SYNJ1: variants seen among roughly 807,000 people sequenced by gnomAD.
The protein encoded by SYNJ1 is synaptojanin 1.
In SYNJ1, 78 loss-of-function variants were observed where a neutral mutation model predicts 168.2. That is an observed-to-expected ratio of 0.46 (90% CI 0.39 to 0.56). SYNJ1 has a LOEUF of 0.56. SYNJ1 is among the 20% of genes least tolerant of loss of function. SYNJ1 has a pLI of 0.00. For missense variants in SYNJ1, 1,303 were observed against 1,597.6 expected, an observed-to-expected ratio of 0.82 and a Z score of 3.14; for synonymous variants, 539 against 548.6, an observed-to-expected ratio of 0.98 and a Z score of 0.24.
At chr21:32,713,951 G>A (rs577927968) in intron 2 of SYNJ1, among the ~76,000 whole-genome samples, 1 of 152,292 alleles carries the variant, frequency 6.6e-6, no homozygotes, top group Admixed American at 6.5e-5. Context: ...AGGAGCATGA[G>A]GGGATTATTC....
At position 32,665,060 on chromosome 21, in the gene SYNJ1, T is replaced by A. The variant is rs112875942; in HGVS notation, c.2157A>T (p.Leu719=). The change falls in exon 18 of 33, where the codon CTA becomes CTT. Residue 719 remains leucine, a synonymous_variant. Transcript: ENST00000674351. The stretch of plus-strand genomic sequence containing the variant: ...ACCAAAATACATAGTCATGGGAAAA[T>A]AGCATCCTTCCCTGAAAGCAATGAG... The part of the protein sequence containing the change: ...RKLSFPMGRM[L]FSHDYVFWCG... 6.3e-7 allele frequency: 1 copy of A among 1,593,974 alleles called. No homozygotes were observed. Among genetic ancestry groups the A allele is most frequent in the Non-Finnish European group, 8.5e-7 (1 of 1,169,738 alleles).
At chr21:32,698,938 T>G (rs2042303030) in intron 4 of SYNJ1, among the ~76,000 whole-genome samples, 1 of 152,192 alleles carries the variant, frequency 6.6e-6, no homozygotes, top group Non-Finnish European at 1.5e-5. Context: ...TACAATTAAA[T>G]TCATTTCTAA....
chr21:32,662,160 A>C (rs572610866), intron 18 of SYNJ1, among the ~76,000 whole-genome samples: 136 of 152,186 alleles, frequency 8.9e-4, no homozygotes, highest in Non-Finnish European at 1.7e-3. Context: ...CCTGAAAGTG[A>C]CTCTGAGGAG....
rs989654318 is a variant in SYNJ1 at position 32,666,293 on chromosome 21, TCAAAACCCC to T, written c.1952+131_1952+139del. On this transcript the variant is annotated intron_variant, in intron 16 of 32. Transcript: ENST00000674351. ...AGTGAAGCTATTGGTGAGTCTTTAA[TCAAAACCCC>T]CAAAACCCCATTTTAAAACAAGAAC... 4.1e-6 allele frequency: 6 copies of T among 1,461,214 alleles called. No individual in the cohort carries two copies. In the African/African-American group the frequency reaches 8.5e-5, roughly 21 times the overall value. The allele number at this position is 1,461,214 out of a possible 1,614,324, so 90.5% of individuals were successfully genotyped here.
At chr21:32,691,553 A>G (rs534466902) in intron 6 of SYNJ1, among the ~76,000 whole-genome samples, 3 of 152,256 alleles carry the variant, frequency 2.0e-5, no homozygotes, top group Non-Finnish European at 4.4e-5. Flanking sequence ...TCTGAGTATT[A>G]TAAGTTATAA....
At chr21:32,673,626 C>A in intron 13 of SYNJ1, 95 bp from the exon 14 acceptor site, 3 of 1,051,112 alleles carry the variant, frequency 2.9e-6, no homozygotes, top group Non-Finnish European at 3.8e-6. Context: ...CTGGAAAGCA[C>A]AATTATTATC....
intron 9 of SYNJ1, among the ~76,000 whole-genome samples, chr21:32,685,055 G>A (rs1262609228): frequency 1.3e-5 from 2 of 151,488 alleles, no homozygotes; most frequent in East Asian, 1.9e-4. Flanking sequence ...GGTGGCGGGC[G>A]CTTGTAGTCC....
intron 32 of SYNJ1, among the ~76,000 whole-genome samples, chr21:32,634,008 T>C (rs1054338447): frequency 1.5e-4 from 23 of 152,186 alleles, no homozygotes; most frequent in Admixed American, 1.2e-3. Context: ...GGACTATTTA[T>C]AGTTAATACA....
In SYNJ1 at chr21:32,634,822, G is replaced by C. The variant is rs370848554; in HGVS notation, c.*3+39C>G. ...ATTCATACATCTAATGTGTTGAGAC[G>C]GATGAAAACACATGTAAGATTGATA... On this transcript the variant is annotated intron_variant, in intron 32 of 32. Transcript: ENST00000674351. The C allele has an allele frequency of 3.1e-6, 5 of 1,607,890 alleles. No individual in the cohort carries two copies. The East Asian group carries it at 1.1e-4, about 36-fold the overall frequency.
intron 23 of SYNJ1, among the ~76,000 whole-genome samples, chr21:32,647,423 G>A (rs1427182140): frequency 6.6e-6 from 1 of 152,050 alleles, no homozygotes; most frequent in Non-Finnish European, 1.5e-5. Context: ...AAATGCCTTG[G>A]TCCTATCCTT....
At chr21:32,713,509 C>T (rs1182218846) in intron 2 of SYNJ1, among the ~76,000 whole-genome samples, 2 of 137,390 alleles carry the variant, frequency 1.5e-5, no homozygotes, top group East Asian at 4.5e-4. Flanking sequence ...TGGATGATTT[C>T]CCATATATCA....
intron 2 of SYNJ1, among the ~76,000 whole-genome samples, chr21:32,722,851 A>G (rs539959025): frequency 1.6e-4 from 24 of 152,326 alleles, no homozygotes; most frequent in African/African-American, 5.5e-4. Flanking sequence ...GTTCAGCCTG[A>G]CAGTTTCAAG....
At chr21:32,711,643 C>T (rs1299028765) in intron 2 of SYNJ1, among the ~76,000 whole-genome samples, 1 of 152,160 alleles carries the variant, frequency 6.6e-6, no homozygotes, top group Non-Finnish European at 1.5e-5. Flanking sequence ...ACTTATAATA[C>T]TATGTCATGT....
intron 2 of SYNJ1, among the ~76,000 whole-genome samples, chr21:32,724,699 C>A (rs2146413910): frequency 6.6e-6 from 1 of 152,234 alleles, no homozygotes; most frequent in South Asian, 2.1e-4. Flanking sequence ...CAATACAAAC[C>A]TTGGTATCAC....
chr21:32,658,831 C>T (rs886937128), intron 18 of SYNJ1, among the ~76,000 whole-genome samples: 1 of 152,218 alleles, frequency 6.6e-6, no homozygotes, highest in African/African-American at 2.4e-5. Flanking sequence ...ACTCCAGTTC[C>T]CACCTGCGAA....
At chr21:32,654,894 G>A (rs1331095295) in intron 21 of SYNJ1, among the ~76,000 whole-genome samples, 1 of 152,122 alleles carries the variant, frequency 6.6e-6, no homozygotes, top group Non-Finnish European at 1.5e-5. Flanking sequence ...TCTTAATCTA[G>A]ACTAAAAGGT....
In SYNJ1 at chr21:32,685,937, T is replaced by C; in HGVS notation, c.949-20A>G. The C allele has an allele frequency of 1.3e-6, 2 of 1,597,644 alleles. No individual in the cohort carries two copies. Among genetic ancestry groups the C allele is most frequent in the Non-Finnish European group, 1.7e-6 (2 of 1,175,028 alleles). On this transcript the variant is annotated intron_variant, in intron 8 of 32. Transcript: ENST00000674351. ...ATGACTCTGAAAGTAAAAAGGCAAA[T>C]ATTCATCTAAATGAAAGTAAAAAGG...
At chr21:32,722,601 T>C (rs1025019824) in intron 2 of SYNJ1, among the ~76,000 whole-genome samples, 1 of 152,194 alleles carries the variant, frequency 6.6e-6, no homozygotes, top group Non-Finnish European at 1.5e-5. Flanking sequence ...TCAAACATAA[T>C]AACTGCATGT....
chr21:32,670,891 C>T (rs754951742), intron 14 of SYNJ1: 66 of 811,462 alleles, frequency 8.1e-5, no homozygotes, highest in Non-Finnish European at 9.7e-5. Flanking sequence ...AGACACATCA[C>T]TCTGTCTAGC....
Sources: allele counts gnomAD v4.1 joint callset (sites outside exome capture counted in the v4.1 genomes callset), GRCh38; gene constraint gnomAD v4.1.1; transcripts MANE v1.5; gene names NCBI Gene and HGNC (gene_info 2026-07-23, HGNC 2026-07-21).